Variants in USP34 observed in about 807,000 individuals in gnomAD.
The protein encoded by USP34 is ubiquitin specific peptidase 34.
Under a neutral mutation model 460.3 loss-of-function variants are expected in USP34, and 70 were observed. The ratio of observed to expected loss-of-function variants is 0.15; its 90% CI spans 0.13 to 0.19. The LOEUF (loss-of-function observed/expected upper bound fraction) is 0.19, where lower values mean the gene tolerates loss of function less well. Ranked by LOEUF, USP34 falls within the 10% of genes least tolerant of loss-of-function variation. The pLI is 1.00. For missense variants in USP34, 3,985 were observed against 4,236.2 expected (o/e 0.94, Z 1.65); for synonymous variants, 1,647 against 1,405.3 (o/e 1.17, Z -3.85).
intron 50 of USP34, among the ~76,000 whole-genome samples, chr2:61,245,991 T>C (rs1244809790): frequency 2.0e-5 from 3 of 152,200 alleles, no homozygotes; most frequent in African/African-American, 7.2e-5. Flanking sequence ...TAACTTCTAA[T>C]GGCACATATA....
chr2:61,310,924 A>G (rs1326274635), intron 27 of USP34, among the ~76,000 whole-genome samples: 1 of 152,182 alleles, frequency 6.6e-6, no homozygotes. Flanking sequence ...TCACATCAAA[A>G]GTCTAAAATA....
chr2:61,221,971 CACTT>C (rs1451825182), intron 65 of USP34: 2 of 160,538 alleles, frequency 1.2e-5, no homozygotes, highest in Non-Finnish European at 2.7e-5. Flanking sequence ...TTACCTCACA[CACTT>C]ATTTTTTGTC....
At chr2:61,203,692 A>C (rs1270832008) in intron 74 of USP34, among the ~76,000 whole-genome samples, 1 of 152,164 alleles carries the variant, frequency 6.6e-6, no homozygotes, top group African/African-American at 2.4e-5. Context: ...GTGTGAATGA[A>C]GTGTGGGTAA....
chr2:61,378,342 T>C lies in USP34; in HGVS notation c.1076+21A>G, dbSNP rs774228333. On this transcript the variant is annotated intron_variant, in intron 8 of 79. Coordinates refer to ENST00000398571, the MANE Select transcript of USP34 (RefSeq NM_014709.4). ...TACATTAAAATGGTATACTTATATA[T>C]AAATTAATGCTCCTACTTACGTTTC... 9.2e-6 allele frequency: 14 copies of C among 1,525,018 alleles called. No individual in the cohort carries two copies. The East Asian group carries it at 2.5e-4, about 28-fold the overall frequency. 94.5% of individuals were successfully genotyped at this position (1,525,018 alleles called of 1,614,324 possible).
intron 41 of USP34, among the ~76,000 whole-genome samples, chr2:61,272,279 C>T (rs1689238125): frequency 6.6e-6 from 1 of 151,842 alleles, no homozygotes. Flanking sequence ...GGTGTGGTGG[C>T]GGGCACCTGT....
chr2:61,416,695 A>G (rs953173847), intron 2 of USP34, among the ~76,000 whole-genome samples: 2 of 151,910 alleles, frequency 1.3e-5, no homozygotes, highest in African/African-American at 4.8e-5. Flanking sequence ...TTATTCTCCT[A>G]TTCCTTTCTC....
At chr2:61,333,837 G>A in intron 19 of USP34, 45 bp downstream of exon 19, 1 of 1,328,708 alleles carries the variant, frequency 7.5e-7, no homozygotes, top group Non-Finnish European at 1.0e-6. Flanking sequence ...ACTATAATTA[G>A]AAAAAAATCT....
At chr2:61,312,311 C>G (rs1690617907) in intron 25 of USP34, among the ~76,000 whole-genome samples, 1 of 151,194 alleles carries the variant, frequency 6.6e-6, no homozygotes, top group Non-Finnish European at 1.5e-5. Flanking sequence ...AAAAAATTTT[C>G]AGGGACAGAA....
intron 3 of USP34, among the ~76,000 whole-genome samples, chr2:61,400,174 A>G (rs1693671668): frequency 6.6e-6 from 1 of 150,422 alleles, no homozygotes; most frequent in Admixed American, 6.7e-5. Flanking sequence ...CAGCGGCACC[A>G]TCCCGGCTCA....
chr2:61,352,217 A>C (rs1401554748), intron 10 of USP34, among the ~76,000 whole-genome samples: 4 of 152,112 alleles, frequency 2.6e-5, no homozygotes. Context: ...GGAATTCTCA[A>C]TTTGTACTAA....
chr2:61,339,270 A>T (rs1691516733), intron 18 of USP34, 81 bp downstream of exon 18: 13 of 1,394,628 alleles, frequency 9.3e-6, no homozygotes, highest in Non-Finnish European at 1.3e-5. Context: ...GTATAAAAAC[A>T]TCACACCTAG....
intron 41 of USP34, among the ~76,000 whole-genome samples, chr2:61,269,352 G>T (rs1484339746): frequency 7.0e-6 from 1 of 143,420 alleles, no homozygotes; most frequent in Non-Finnish European, 1.5e-5. Flanking sequence ...TTTTAATAGA[G>T]ACAGGGTTTC....
At chr2:61,311,112 TTG>T (rs1331807976) in intron 27 of USP34, among the ~76,000 whole-genome samples, 1 of 152,208 alleles carries the variant, frequency 6.6e-6, no homozygotes, top group Admixed American at 6.5e-5. Flanking sequence ...TTGAATTTTT[TTG>T]TTCTCTCTGA....
At chr2:61,285,313 C>G (rs1689654322) in intron 34 of USP34, among the ~76,000 whole-genome samples, 1 of 151,734 alleles carries the variant, frequency 6.6e-6, no homozygotes, top group African/African-American at 2.4e-5. Context: ...TGTGGTAAAA[C>G]TCTGTTTCCA....
intron 57 of USP34, among the ~76,000 whole-genome samples, chr2:61,233,347 C>T (rs1025123152): frequency 2.0e-5 from 3 of 151,894 alleles, no homozygotes; most frequent in Non-Finnish European, 2.9e-5. Flanking sequence ...GGAAATCCTA[C>T]AGCACAAATG....
At chr2:61,303,202 G>C (rs1200859684) in intron 27 of USP34, among the ~76,000 whole-genome samples, 1 of 151,994 alleles carries the variant, frequency 6.6e-6, no homozygotes, top group East Asian at 1.9e-4. Flanking sequence ...GAATAGCTGG[G>C]ACTACAGGCG....
intron 51 of USP34, among the ~76,000 whole-genome samples, chr2:61,243,952 A>AC (rs1688350991): frequency 6.6e-6 from 1 of 151,670 alleles, no homozygotes; most frequent in African/African-American, 2.4e-5. Flanking sequence ...CTCAATATTT[A>AC]CTTCCCTATT....
chr2:61,268,093 C>T (rs1689105724), intron 41 of USP34, among the ~76,000 whole-genome samples: 1 of 152,098 alleles, frequency 6.6e-6, no homozygotes. Context: ...AAAGAACCTA[C>T]TCATATACTT....
chr2:61,191,777 A>C (rs573428391), intron 76 of USP34, among the ~76,000 whole-genome samples: 4 of 152,312 alleles, frequency 2.6e-5, no homozygotes, highest in Admixed American at 1.3e-4. Context: ...AAACTACCCA[A>C]ATCAGGAAGA....
Sources: allele counts gnomAD v4.1 joint callset (sites outside exome capture counted in the v4.1 genomes callset), GRCh38; gene constraint gnomAD v4.1.1; transcripts MANE v1.5; gene names NCBI Gene and HGNC (gene_info 2026-07-23, HGNC 2026-07-21).